The following ABTB2 variants were observed in gnomAD, a reference collection of about 807,000 sequenced individuals.
ABTB2 encodes the protein ankyrin repeat and BTB domain containing 2.
Under a neutral mutation model 104.1 loss-of-function variants are expected in ABTB2, and 56 were observed. The observed-to-expected ratio is 0.54, with a 90% CI of 0.43 to 0.67. The LOEUF (loss-of-function observed/expected upper bound fraction) is 0.67, where lower values mean the gene tolerates loss of function less well. ABTB2 is among the 30% of genes least tolerant of loss of function. The pLI is 0.00. For missense variants in ABTB2, 1,279 were observed against 1,407.7 expected, an observed-to-expected ratio of 0.91 and a Z score of 1.46; for synonymous variants, 606 against 608.2, an observed-to-expected ratio of 1.00 and a Z score of 0.05.
chr11:34,225,729 TG>T (rs1390690119), intron 1 of ABTB2, among the ~76,000 whole-genome samples: 1 of 151,994 alleles, frequency 6.6e-6, no homozygotes, highest in African/African-American at 2.4e-5. Context: ...CACTCTAGCC[TG>T]GGTAACAAGA....
Position 34,170,931 on chromosome 11 carries a change from T to C in ABTB2, c.1538A>G (p.Asp513Gly). The change falls in exon 5 of 17, where the codon GAT becomes GGT. Residue 513 changes from aspartate to glycine, a missense_variant. Physicochemically the swap from Asp to Gly is moderately conservative, Grantham distance 94. Transcript: ENST00000435224. The part of the protein sequence containing the change: ...INQAIEALGP[D>G]GVNTMDDQGM... ...CTGGTCATCCATGGTGTTAACCCCA[T>C]CCGGACCCAAGGCCTCGATGGCTTG... 6.2e-7 allele frequency: 1 copy of C among 1,614,160 alleles called. No homozygotes were observed. The highest frequency in any genetic ancestry group is 8.5e-7 in the Non-Finnish European group (1 of 1,180,022).
At chr11:34,171,776 C>T (rs1565131339) in intron 4 of ABTB2, among the ~76,000 whole-genome samples, 1 of 152,072 alleles carries the variant, frequency 6.6e-6, no homozygotes, top group African/African-American at 2.4e-5. Flanking sequence ...AAACGGTCAC[C>T]ATGGCCAGGT....
chr11:34,261,015 T>C lies in ABTB2; in HGVS notation c.884-56325A>G, dbSNP rs1031776799. 4.6e-5 allele frequency among the ~76,000 whole-genome samples: 7 copies of C among 152,094 alleles called. No individual in the cohort carries two copies. The South Asian group carries it at 8.3e-4, about 18-fold the overall frequency. On this transcript the variant is annotated intron_variant, in intron 1 of 16. Coordinates refer to ENST00000435224, the MANE Select transcript of ABTB2 (RefSeq NM_145804.3). ...GTGGGTGCCTGTAATCCCAGCTACC[T>C]GGGAAGCTGAGGTGGAAGAATCGCT...
chr11:34,223,260 C>T (rs1230844778), intron 1 of ABTB2, among the ~76,000 whole-genome samples: 1 of 152,154 alleles, frequency 6.6e-6, no homozygotes, highest in African/African-American at 2.4e-5. Flanking sequence ...CCGACTGGAG[C>T]AGAGGTGGCA....
chr11:34,200,614 CT>C (rs901081591), intron 2 of ABTB2, among the ~76,000 whole-genome samples: 1 of 152,206 alleles, frequency 6.6e-6, no homozygotes, highest in African/African-American at 2.4e-5. Context: ...TTTTTGCTCC[CT>C]GCCACTTTGT....
At position 34,337,970 on chromosome 11, in the gene ABTB2, G is replaced by A. The variant is rs918272310; in HGVS notation, c.883+18731C>T. ...TCCCAAACTGTACATCCTCAAGAGGGTCCTTTGCCCCATACATACTGTGAG... is the reference window on the plus strand; with the variant it reads ...TCCCAAACTGTACATCCTCAAGAGGATCCTTTGCCCCATACATACTGTGAG... On this transcript the variant is annotated intron_variant, in intron 1 of 16. Transcript: ENST00000435224. Among the ~76,000 whole-genome samples the A allele has an allele frequency of 2.0e-5, 3 of 151,908 alleles. No individual in the cohort carries two copies. The South Asian group carries it at 6.2e-4, about 32-fold the overall frequency.
chr11:34,190,420 C>T (rs1010549154), intron 3 of ABTB2, among the ~76,000 whole-genome samples: 31 of 152,216 alleles, frequency 2.0e-4, no homozygotes, highest in African/African-American at 7.5e-4. Flanking sequence ...CCTGAGCTTC[C>T]TCCTGCACTG....
Position 34,162,681 on chromosome 11 carries a change from C to G in ABTB2, c.2113G>C (p.Gly705Arg), listed in dbSNP as rs778473788. Reference sequence around the variant, plus strand: ...CGGGTCCGGCTCAGCCGCACGGGCCCCTCGCTGCCACTGCCCTGGCTCGAC... The same window carrying G: ...CGGGTCCGGCTCAGCCGCACGGGCCGCTCGCTGCCACTGCCCTGGCTCGAC... ...DASSQGSGSE[G>R]PVRLSRTRTK... is the part of the protein sequence containing the mutation. The change falls in exon 10 of 17, where the codon GGG becomes CGG. Residue 705 changes from glycine (G) to arginine (R), a missense_variant. Physicochemically the swap from Gly to Arg is moderately radical, Grantham distance 125. Coordinates refer to ENST00000435224, the MANE Select transcript of ABTB2 (RefSeq NM_145804.3). The G allele has an allele frequency of 3.7e-6, 6 of 1,613,180 alleles. No individual in the cohort carries two copies. Among genetic ancestry groups the G allele is most frequent in the Non-Finnish European group, 5.1e-6 (6 of 1,180,030 alleles).
rs554011751 is a variant in ABTB2 at position 34,222,450 on chromosome 11, C to A, written c.884-17760G>T. 5.9e-5 allele frequency among the ~76,000 whole-genome samples: 9 copies of A among 152,146 alleles called. No homozygotes were observed. In the East Asian group the frequency reaches 1.7e-3, roughly 29 times the overall value. ...GAAGTCCATTCAGATGGCTGGGGAG[C>A]CTTAGAATTTTAATTTTGGTTCACA... is the stretch of plus-strand genomic sequence containing the variant. On this transcript the variant is annotated intron_variant, in intron 1 of 16. Transcript: ENST00000435224.
chr11:34,154,650 G>T lies in ABTB2; in HGVS notation c.2766+51C>A. The T allele has an allele frequency of 6.3e-7, 1 of 1,589,276 alleles. No homozygotes were observed. The highest frequency in any genetic ancestry group is 1.1e-5 in the South Asian group (1 of 90,130). ...CTCTGAAGGGGGTGAATGGGAGACC[G>T]AGCCGCTGGGCACCCTAGCCCAGGC... is the stretch of plus-strand genomic sequence containing the variant. On this transcript the variant is annotated intron_variant, in intron 15 of 16. Coordinates refer to ENST00000435224, the MANE Select transcript of ABTB2 (RefSeq NM_145804.3). The surrounding 1 kb of genome is among the most constrained non-coding windows in gnomAD (Gnocchi z 4.9).
intron 1 of ABTB2, among the ~76,000 whole-genome samples, chr11:34,253,600 C>T (rs565761200): frequency 7.2e-4 from 109 of 151,724 alleles, no homozygotes; most frequent in African/African-American, 2.4e-3. Context: ...CCCTTGACCC[C>T]GGGAGGCGGA....
intron 1 of ABTB2, among the ~76,000 whole-genome samples, chr11:34,285,309 G>A (rs976783288): frequency 1.3e-5 from 2 of 152,114 alleles, no homozygotes; most frequent in Non-Finnish European, 2.9e-5. Context: ...AGAGTTAGGC[G>A]GGTGCTATCG....
intron 1 of ABTB2, chr11:34,335,152 G>T (rs1855178436): frequency 2.4e-6 from 3 of 1,240,486 alleles, no homozygotes; most frequent in Non-Finnish European, 3.6e-6. Flanking sequence ...TGGCTGTCTG[G>T]TGTTGCATTA....
At chr11:34,217,905 CA>C (rs1400193022) in intron 1 of ABTB2, among the ~76,000 whole-genome samples, 2 of 152,212 alleles carry the variant, frequency 1.3e-5, no homozygotes, top group Non-Finnish European at 2.9e-5. Context: ...ACCAGCAATG[CA>C]TGAGAGTTCC....
At chr11:34,337,294 G>A (rs1855203141) in intron 1 of ABTB2, among the ~76,000 whole-genome samples, 1 of 152,142 alleles carries the variant, frequency 6.6e-6, no homozygotes, top group African/African-American at 2.4e-5. Flanking sequence ...GGTTGAGGAG[G>A]AGGAACAGCA....
At chr11:34,186,204 C>T (rs1017121600) in intron 3 of ABTB2, among the ~76,000 whole-genome samples, 3 of 152,270 alleles carry the variant, frequency 2.0e-5, no homozygotes, top group Non-Finnish European at 4.4e-5. Flanking sequence ...TCAGGGGGTG[C>T]ACCCCAGGCA....
intron 1 of ABTB2, among the ~76,000 whole-genome samples, chr11:34,212,839 G>A (rs559745162): frequency 6.6e-6 from 1 of 152,222 alleles, no homozygotes; most frequent in East Asian, 1.9e-4. Flanking sequence ...GTCAGGCCCG[G>A]GGCCCAGGAG....
At chr11:34,198,439 AAC>A (rs1264077507) in intron 2 of ABTB2, among the ~76,000 whole-genome samples, 8 of 103,216 alleles carry the variant, frequency 7.8e-5, no homozygotes, top group African/African-American at 3.3e-4. Context: ...CAAAAAAACA[AAC>A]AAACAACAAC....
rs115598591 is a variant in ABTB2, at chr11:34,279,224, C to T, written c.884-74534G>A. Among the ~76,000 whole-genome samples the T allele has an allele frequency of 7.0e-3, 1,069 of 152,274 alleles. 11 individuals are homozygous for T. The highest frequency in any genetic ancestry group is 0.025 in the African/African-American group (1,028 of 41,530). On this transcript the variant is annotated intron_variant, in intron 1 of 16. Transcript: ENST00000435224. The stretch of plus-strand genomic sequence containing the variant: ...CATTAGCACCACCAGTTCCTGAAAG[C>T]TCACTACTGCCACATGCTTTGCAAT...
Sources: allele counts gnomAD v4.1 joint callset (sites outside exome capture counted in the v4.1 genomes callset), GRCh38; gene constraint gnomAD v4.1.1; non-coding constraint Gnocchi (gnomAD v3.1); transcripts MANE v1.5; gene names NCBI Gene and HGNC (gene_info 2026-07-23, HGNC 2026-07-21).